The following THOC1 variants were observed in gnomAD, a reference collection of about 807,000 sequenced individuals.
THOC1 encodes the protein THO complex subunit 1, also known as THO complex 1.
Under a neutral mutation model 97.3 loss-of-function variants are expected in THOC1, and 29 were observed. The ratio of observed to expected loss-of-function variants is 0.30; its 90% CI spans 0.22 to 0.41. The LOEUF (loss-of-function observed/expected upper bound fraction) is 0.41. Ranked by LOEUF, THOC1 falls within the 10% of genes least tolerant of loss-of-function variation. The probability of loss-of-function intolerance (pLI) is 1.00; values close to 1 mark genes in which losing one functional copy is unlikely to be tolerated. For synonymous variants in THOC1, 255 were observed against 257.0 expected (o/e 0.99, Z 0.07); for missense variants, 529 against 761.9 (o/e 0.69, Z 3.60).
At position 267,971 on chromosome 18, in the gene THOC1, A is replaced by C. The variant is rs752304581; in HGVS notation, c.49T>G (p.Phe17Val). 23 of 1,611,666 alleles carry C rather than the reference A, an allele frequency of 1.4e-5. No individual in the cohort carries two copies. Among genetic ancestry groups the C allele is most frequent in the Non-Finnish European group, 5.1e-6 (6 of 1,179,162 alleles). The change falls in exon 1 of 21, where the codon TTT becomes GTT. Residue 17 changes from phenylalanine to valine, a missense_variant. Physicochemically the swap from Phe to Val is conservative, Grantham distance 50. Transcript: ENST00000261600. ...LFSLPEARTR[F>V]TKSTREALNN... ...CCCTCCCCTCTACAGCTCACCGTAAACCGCGTCCGCGCTTCGGGCAAACTG... is the reference window on the plus strand; with the variant it reads ...CCCTCCCCTCTACAGCTCACCGTAACCCGCGTCCGCGCTTCGGGCAAACTG...
At position 216,473 on chromosome 18, in the gene THOC1, C is replaced by T. The variant is rs1359056668; in HGVS notation, c.1602+13G>A. On this transcript the variant is annotated intron_variant, in intron 19 of 20. Transcript: ENST00000261600. ...CAACTAAAGGGTATGAAAAGTTGAT[C>T]TATGGTACTTACCGGTAATTCCTTG... The T allele has an allele frequency of 1.2e-6, 2 of 1,612,334 alleles. No homozygotes were observed. Among genetic ancestry groups the T allele is most frequent in the Non-Finnish European group, 1.7e-6 (2 of 1,179,118 alleles).
chr18:252,590 CCTT>C lies in THOC1; in HGVS notation c.623_625del (p.Glu208del). 1 of 1,608,472 alleles carries C rather than the reference CCTT, an allele frequency of 6.2e-7. No individual in the cohort carries two copies. Among genetic ancestry groups the C allele is most frequent in the East Asian group, 2.2e-5 (1 of 44,830 alleles). On this transcript the variant is annotated inframe_deletion, in exon 9 of 21. Transcript: ENST00000261600. The stretch of plus-strand genomic sequence containing the variant: ...CATTTCGCCTTCTTCTACATCCATT[CCTT>C]CTTCTCTATCTTCAGTGTGCTAAAT...
At chr18:226,727 A>G in intron 12 of THOC1, 74 bp downstream of exon 12, 1 of 1,121,454 alleles carries the variant, frequency 8.9e-7, no homozygotes, top group Admixed American at 2.2e-5. Context: ...ACACATACAT[A>G]AGAAAAATCG....
intron 18 of THOC1, among the ~76,000 whole-genome samples, chr18:218,314 C>T (rs1910963577): frequency 6.6e-6 from 1 of 152,162 alleles, no homozygotes; most frequent in African/African-American, 2.4e-5. Flanking sequence ...GACCAGAGGC[C>T]TCTTGCCTTT....
At chr18:265,212 TA>T in intron 3 of THOC1, 90 bp downstream of exon 3, 1 of 1,006,394 alleles carries the variant, frequency 9.9e-7, no homozygotes, top group Non-Finnish European at 1.4e-6. Flanking sequence ...AAAAGATGTT[TA>T]AATATCCATT....
chr18:265,576 T>C (rs991914086), intron 1 of THOC1, 46 bp from the exon 2 acceptor site: 1 of 1,443,336 alleles, frequency 6.9e-7, no homozygotes, highest in Admixed American at 2.5e-5. Flanking sequence ...ATTTTGCTTA[T>C]TATTTGCTGA....
At chr18:265,059 T>C (rs1034129789) in intron 3 of THOC1, 3 of 441,964 alleles carry the variant, frequency 6.8e-6, no homozygotes, top group African/African-American at 6.2e-5. Flanking sequence ...TAAGACCTCA[T>C]GTCAACTTTT....
At position 263,071 on chromosome 18, in the gene THOC1, C is replaced by T. The variant is rs955296800; in HGVS notation, c.256+955G>A. ...TGCCAGCAGTCACTTCAAATGGAATCATTCATCTGCAGCTGCTCTTTTTTT... is the reference window on the plus strand; with the variant it reads ...TGCCAGCAGTCACTTCAAATGGAATTATTCATCTGCAGCTGCTCTTTTTTT... On this transcript the variant is annotated intron_variant, in intron 4 of 20. Coordinates refer to ENST00000261600, the MANE Select transcript of THOC1 (RefSeq NM_005131.3). 2.0e-5 allele frequency among the ~76,000 whole-genome samples: 3 copies of T among 152,094 alleles called. No homozygotes were observed. The South Asian group carries it at 6.2e-4, about 32-fold the overall frequency.
chr18:240,298 G>A (rs1001233857), intron 11 of THOC1, among the ~76,000 whole-genome samples: 1 of 152,076 alleles, frequency 6.6e-6, no homozygotes, highest in Non-Finnish European at 1.5e-5. Context: ...CTTTCCTAGA[G>A]GGCTGCTACT....
At chr18:238,015 C>CA (rs1379912180) in intron 11 of THOC1, among the ~76,000 whole-genome samples, 3 of 152,036 alleles carry the variant, frequency 2.0e-5, no homozygotes, top group African/African-American at 7.2e-5. Flanking sequence ...TACAGGCACG[C>CA]ACCACCACGC....
chr18:233,038 CT>C (rs1485057632), intron 11 of THOC1, among the ~76,000 whole-genome samples: 4 of 152,142 alleles, frequency 2.6e-5, no homozygotes, highest in Non-Finnish European at 4.4e-5. Context: ...CTATTCAAGA[CT>C]TTTACATCTT....
intron 12 of THOC1, chr18:226,211 T>A (rs1911279737): frequency 6.6e-6 from 1 of 152,236 alleles, no homozygotes. Flanking sequence ...ACCCAGCAGG[T>A]AGTGAAGTCA....
intron 11 of THOC1, chr18:245,892 A>G (rs1033544232): frequency 1.3e-5 from 2 of 153,716 alleles, no homozygotes; most frequent in African/African-American, 4.8e-5. Context: ...CATCTTGACT[A>G]GAAACTTTAC....
intron 9 of THOC1, among the ~76,000 whole-genome samples, chr18:249,610 C>T (rs914950901): frequency 4.7e-5 from 7 of 149,794 alleles, no homozygotes; most frequent in Admixed American, 6.7e-5. Context: ...TGCAGTGAGC[C>T]GAGATCACAG....
chr18:236,442 G>A (rs1172567127), intron 11 of THOC1, among the ~76,000 whole-genome samples: 1 of 137,412 alleles, frequency 7.3e-6, no homozygotes, highest in African/African-American at 2.7e-5. Context: ...TGCAAGCTCC[G>A]CCTCCCGGGT....
intron 18 of THOC1, among the ~76,000 whole-genome samples, chr18:217,350 A>C (rs1211818561): frequency 6.6e-6 from 1 of 152,240 alleles, no homozygotes; most frequent in African/African-American, 2.4e-5. Flanking sequence ...CCTCTCTGAC[A>C]TATCTGTTTA....
chr18:255,104 A>G (rs1912396208), intron 7 of THOC1, among the ~76,000 whole-genome samples: 1 of 151,644 alleles, frequency 6.6e-6, no homozygotes, highest in Non-Finnish European at 1.5e-5. Context: ...CGTTCCCATG[A>G]CTCTCTCTCT....
intron 11 of THOC1, among the ~76,000 whole-genome samples, chr18:236,387 G>T (rs1357663617): frequency 5.8e-5 from 7 of 121,304 alleles, no homozygotes; most frequent in African/African-American, 2.2e-4. Flanking sequence ...ACGGAGTCTC[G>T]CTCTGTCGCC....
chr18:238,426 A>G (rs1244607760), intron 11 of THOC1, among the ~76,000 whole-genome samples: 1 of 152,214 alleles, frequency 6.6e-6, no homozygotes, highest in African/African-American at 2.4e-5. Context: ...GATACATTCT[A>G]AGAAAGGTGT....
Sources: gnomAD v4.1 joint callset for allele counts (sites outside exome capture counted in the v4.1 genomes callset) on GRCh38, gnomAD v4.1.1 for gene constraint, MANE v1.5 for transcripts, NCBI Gene and HGNC (gene_info 2026-07-23, HGNC 2026-07-21) for gene names.